MTRF1: variants seen among roughly 807,000 people sequenced by gnomAD.
The protein encoded by MTRF1 is mitochondrial translation release factor 1, also known as peptide chain release factor 1, mitochondrial.
In MTRF1, 51 loss-of-function variants were observed where a neutral mutation model predicts 62.9. The observed-to-expected ratio is 0.81, with a 90% confidence interval of 0.65 to 1.02. The LOEUF is 1.02. MTRF1 is among the 50% of genes least tolerant of loss of function. The pLI is 0.00. For missense variants in MTRF1, 446 were observed against 530.0 expected, an observed-to-expected ratio of 0.84 and a Z score of 1.56; for synonymous variants, 158 against 181.9, an observed-to-expected ratio of 0.87 and a Z score of 1.06.
intron 2 of MTRF1, 116 bp from the exon 3 acceptor site, chr13:41,254,736 T>A (rs1380417264): frequency 7.7e-6 from 5 of 651,284 alleles, no homozygotes; most frequent in Non-Finnish European, 1.3e-5. Flanking sequence ...AGGCAAGGGA[T>A]TATACAAAGG....
intron 7 of MTRF1, among the ~76,000 whole-genome samples, chr13:41,232,027 C>G (rs1250903804): frequency 6.6e-6 from 1 of 151,814 alleles, no homozygotes; most frequent in Non-Finnish European, 1.5e-5. Flanking sequence ...GAGCTGTGAT[C>G]ACACCACTGT....
At chr13:41,281,220 T>C in the MTRF1 span, among the ~76,000 whole-genome samples, 1 of 152,194 alleles carries the variant, frequency 6.6e-6, no homozygotes, top group African/African-American at 2.4e-5. Flanking sequence ...CCAGTTTCAC[T>C]CCTCTATCAA....
chr13:41,235,301 A>C (rs143012560), intron 6 of MTRF1: 1 of 152,276 alleles, frequency 6.6e-6, no homozygotes, highest in East Asian at 1.9e-4. Flanking sequence ...TGATTTAACA[A>C]ATACTGAACC....
chr13:41,222,192 CACATAGTCCTTTATGGG>C (rs2033515917), intron 9 of MTRF1, among the ~76,000 whole-genome samples: 1 of 152,158 alleles, frequency 6.6e-6, no homozygotes, highest in African/African-American at 2.4e-5. Context: ...CTGCCTTTTC[CACATAGTCCTTTATGGG>C]ACCAGTTCAC....
the MTRF1 span, among the ~76,000 whole-genome samples, chr13:41,295,630 T>C: frequency 6.6e-6 from 1 of 152,224 alleles, no homozygotes; most frequent in African/African-American, 2.4e-5. Flanking sequence ...TTTGGTTACT[T>C]AGGAAAACTG....
chr13:41,270,748 A>ATT, the MTRF1 span, among the ~76,000 whole-genome samples: 7 of 150,820 alleles, frequency 4.6e-5, no homozygotes, highest in East Asian at 1.9e-4. Context: ...TTTTAATTTA[A>ATT]TTTTTTTTTG....
the MTRF1 span, among the ~76,000 whole-genome samples, chr13:41,268,953 T>G: frequency 1.4e-4 from 21 of 151,746 alleles, no homozygotes; most frequent in East Asian, 3.8e-4. Flanking sequence ...ATAAATCCTA[T>G]TCTTGTGACT....
At chr13:41,284,240 C>A in the MTRF1 span, among the ~76,000 whole-genome samples, 1 of 150,922 alleles carries the variant, frequency 6.6e-6, no homozygotes, top group African/African-American at 2.4e-5. Flanking sequence ...AATCCCAGCA[C>A]TTTGGGAGGC....
chr13:41,267,287 G>A (rs1169826872), upstream of MTRF1, among the ~76,000 whole-genome samples: 1 of 152,020 alleles, frequency 6.6e-6, no homozygotes, highest in African/African-American at 2.4e-5. Flanking sequence ...CTGTAAACTG[G>A]TCTAGAAACT....
chr13:41,258,563 TAAAAAAAA>T (rs1180583583), intron 2 of MTRF1, among the ~76,000 whole-genome samples: 1 of 70,524 alleles, frequency 1.4e-5, no homozygotes, highest in Admixed American at 1.5e-4. Flanking sequence ...GACCATCTCT[TAAAAAAAA>T]AAACAAAAAA....
chr13:41,286,085 CAACAAA>C, the MTRF1 span, among the ~76,000 whole-genome samples: 1 of 41,716 alleles, frequency 2.4e-5, no homozygotes, highest in African/African-American at 5.3e-5. Context: ...ACAACAACAA[CAACAAA>C]AAAAAAAAAA....
At chr13:41,263,234 C>G in intron 1 of MTRF1, 1 of 1,282,612 alleles carries the variant, frequency 7.8e-7, no homozygotes. Flanking sequence ...TTAAGGAAAA[C>G]AAAACAAAAC....
the MTRF1 span, among the ~76,000 whole-genome samples, chr13:41,308,432 A>C: frequency 6.6e-6 from 1 of 152,224 alleles, no homozygotes; most frequent in South Asian, 2.1e-4. Context: ...CTGATGATGT[A>C]GATAAATGAC....
the MTRF1 span, among the ~76,000 whole-genome samples, chr13:41,293,005 TTA>T: frequency 1.3e-5 from 2 of 152,308 alleles, no homozygotes; most frequent in South Asian, 4.1e-4. Context: ...CTTCATTAGA[TTA>T]TCTGTAAGGG....
upstream of MTRF1, among the ~76,000 whole-genome samples, chr13:41,266,900 C>G (rs2139248355): frequency 6.8e-6 from 1 of 146,876 alleles, no homozygotes; most frequent in South Asian, 2.1e-4. Context: ...GAGGCTGAGG[C>G]AGGAGAATGG....
the MTRF1 span, among the ~76,000 whole-genome samples, chr13:41,283,510 A>C: frequency 6.6e-6 from 1 of 150,834 alleles, no homozygotes; most frequent in African/African-American, 2.4e-5. Flanking sequence ...CATTCCACAT[A>C]GGGCTAACAA....
rs182295243 is a variant in MTRF1 at position 41,240,540 on chromosome 13, T to C, written c.698-107A>G. ...TGAATGTTGAGTACAGAGCCTAAGA[T>C]GAGAACATAAAGCATGGGAGAACGA... is the stretch of plus-strand genomic sequence containing the variant. On this transcript the variant is annotated intron_variant, in intron 5 of 9. Transcript: ENST00000379480. 3.5e-3 allele frequency: 3,584 copies of C among 1,020,492 alleles called. 15 individuals carry two copies. Among genetic ancestry groups the C allele is most frequent in the Non-Finnish European group, 3.4e-3 (2,565 of 748,770 alleles). 63.2% of individuals were successfully genotyped at this position (1,020,492 alleles called of 1,614,324 possible).
the MTRF1 span, among the ~76,000 whole-genome samples, chr13:41,307,080 C>T: frequency 6.6e-6 from 1 of 152,140 alleles, no homozygotes; most frequent in Non-Finnish European, 1.5e-5. Flanking sequence ...ACATAAGGTT[C>T]AGGATGACAA....
chr13:41,298,343 G>A, the MTRF1 span, among the ~76,000 whole-genome samples: 4 of 662 alleles, frequency 6.0e-3, no homozygotes, highest in Non-Finnish European at 9.6e-3. Context: ...ATCCATTTAC[G>A]AAGTTTTAGT....
Sources: allele counts gnomAD v4.1 joint callset (sites outside exome capture counted in the v4.1 genomes callset), GRCh38; gene constraint gnomAD v4.1.1; transcripts MANE v1.5; gene names NCBI Gene and HGNC (gene_info 2026-07-23, HGNC 2026-07-21).